The following AFDN variants were observed in gnomAD, a reference collection of about 807,000 sequenced individuals.
The protein encoded by AFDN is afadin.
Under a neutral mutation model 216.6 loss-of-function variants are expected in AFDN, and 68 were observed. The observed-to-expected ratio is 0.31, with a 90% CI of 0.26 to 0.38. The LOEUF (loss-of-function observed/expected upper bound fraction) is 0.38, where lower values mean the gene tolerates loss of function less well. Ranked by LOEUF, AFDN falls within the 10% of genes least tolerant of loss-of-function variation. The probability of loss-of-function intolerance (pLI) is 1.00; values close to 1 mark genes in which losing one functional copy is unlikely to be tolerated. For missense variants in AFDN, 2,136 were observed against 2,342.0 expected (o/e 0.91, Z 1.82); for synonymous variants, 868 against 853.7 (o/e 1.02, Z -0.29).
Position 167,965,969 on chromosome 6 carries a change from C to A in AFDN, c.5181C>A (p.Leu1727=). Residue 1727 remains leucine, a synonymous_variant, in exon 32 of 34, where the codon CTC becomes CTA. Transcript: ENST00000683244. ...RNASYLKTQV[L]SPDSLFTAKF... is the part of the protein sequence containing the mutation. ...CCTCCTACCTCAAAACACAGGTCCT[C>A]TCCCCCGACTCGCTGTTCACTGCCA... 1 of 1,551,020 alleles carries A rather than the reference C, an allele frequency of 6.4e-7. No individual in the cohort carries two copies. The highest frequency in any genetic ancestry group is 8.7e-7 in the Non-Finnish European group (1 of 1,146,890).
chr6:167,887,994 T>A (rs2128325577), intron 6 of AFDN, among the ~76,000 whole-genome samples: 1 of 152,222 alleles, frequency 6.6e-6, no homozygotes, highest in East Asian at 1.9e-4. Context: ...AGCTGAAGGA[T>A]GAGTGGATGT....
At chr6:167,868,275 G>A (rs576416370) in intron 2 of AFDN, among the ~76,000 whole-genome samples, 1 of 152,258 alleles carries the variant, frequency 6.6e-6, no homozygotes, top group African/African-American at 2.4e-5. Flanking sequence ...GCTGAATGTG[G>A]TAGCATGTAC....
Position 167,896,433 on chromosome 6 carries a change from C to T in AFDN, c.1223-445C>T, listed in dbSNP as rs538865511. ...TGAGAACTGCACATTTAAAAACCTC[C>T]GTCAGTGATTTAGCTGTGCCCTCAA... On this transcript the variant is annotated intron_variant, in intron 9 of 33. Coordinates refer to ENST00000683244, the MANE Select transcript of AFDN (RefSeq NM_001386888.1). 3.9e-5 allele frequency among the ~76,000 whole-genome samples: 6 copies of T among 152,098 alleles called. No individual in the cohort carries two copies. The East Asian group carries it at 5.8e-4, about 15-fold the overall frequency.
At chr6:167,866,353 A>G (rs1784186135) in intron 2 of AFDN, among the ~76,000 whole-genome samples, 1 of 152,174 alleles carries the variant, frequency 6.6e-6, no homozygotes, top group Non-Finnish European at 1.5e-5. Flanking sequence ...CCAGTGCCTC[A>G]GGTATGAGGA....
Position 167,947,933 on chromosome 6 carries a change from C to G in AFDN, c.3634C>G (p.Leu1212Val). The G allele has an allele frequency of 6.2e-7, 1 of 1,612,796 alleles. No individual in the cohort carries two copies. Among genetic ancestry groups the G allele is most frequent in the Non-Finnish European group, 8.5e-7 (1 of 1,178,878 alleles). ...AKITSVSTGN[L>V]CTEEQTPPPR... ...GATAACATCTGTCTCTACTGGAAAC[C>G]TCTGCACTGAGGTCTGATTGATTGA... The change falls in exon 28 of 34, where the codon CTC (leucine) becomes GTC (valine). Residue 1212 changes from leucine to valine, a missense_variant. Leu to Val is a conservative substitution (Grantham distance 32). Around this residue, in one of 8 missense-constraint regions of AFDN, gnomAD observed 981 missense variants for 966.0 expected, o/e 1.02. Coordinates refer to ENST00000683244, the MANE Select transcript of AFDN (RefSeq NM_001386888.1).
chr6:167,898,632 G>GA (rs1195267954), intron 11 of AFDN, among the ~76,000 whole-genome samples, 165 bp downstream of exon 11: 1 of 152,102 alleles, frequency 6.6e-6, no homozygotes, highest in African/African-American at 2.4e-5. Context: ...GGTTTTAGAG[G>GA]AAAGAAGAAA....
At chr6:167,924,955 G>A in intron 22 of AFDN, 50 bp from the exon 23 acceptor site, 1 of 1,297,848 alleles carries the variant, frequency 7.7e-7, no homozygotes, top group Non-Finnish European at 1.1e-6. Context: ...TAACCATACA[G>A]AAGCACTTCC....
chr6:167,968,952 A>C, intron 32 of AFDN, 162 bp from the exon 33 acceptor site: 1 of 609,206 alleles, frequency 1.6e-6, no homozygotes, highest in Non-Finnish European at 2.9e-6. Flanking sequence ...AACAGGGATG[A>C]ATTTCAAACT....
chr6:167,951,994 TC>T lies in AFDN; in HGVS notation c.4642del (p.Gln1548ArgfsTer52). The stretch of plus-strand genomic sequence containing the variant: ...ATCGTGGACATGCTGAGCAAGGAGA[TC>T]CAGGAGCTCCAGAGCAAACCGGACC... Reference protein sequence around the residue: ...MHIVDMLSKEIQELQSKPDRS... With the variant: ...MHIVDMLSKEXQELQSKPDRS... On this transcript the variant is annotated frameshift_variant, in exon 30 of 34. Transcript: ENST00000683244. LOFTEE classifies it high-confidence loss of function. This position sits in a 1 kb window ranked among gnomAD's most constrained non-coding sequence, Gnocchi z 7.1. 1.2e-6 allele frequency: 2 copies of T among 1,613,832 alleles called. No homozygotes were observed. The highest frequency in any genetic ancestry group is 1.7e-6 in the Non-Finnish European group (2 of 1,179,966).
At chr6:167,873,059 A>G (rs958235353) in intron 4 of AFDN, among the ~76,000 whole-genome samples, 1 of 152,214 alleles carries the variant, frequency 6.6e-6, no homozygotes, top group African/African-American at 2.4e-5. Flanking sequence ...TTTGGTTATC[A>G]TATGCCTGTT....
chr6:167,967,096 T>C (rs1381607044), intron 32 of AFDN, among the ~76,000 whole-genome samples: 1 of 152,240 alleles, frequency 6.6e-6, no homozygotes, highest in Non-Finnish European at 1.5e-5. Flanking sequence ...GTTTAAAATA[T>C]AGCTGAATTC....
intron 32 of AFDN, 92 bp downstream of exon 32, chr6:167,966,137 G>A (rs936015183): frequency 6.5e-7 from 1 of 1,535,106 alleles, no homozygotes; most frequent in African/African-American, 1.4e-5. Context: ...AGCCACGCCC[G>A]GCCTCCGATG....
chr6:167,945,721 C>CCA (rs1795186153), intron 26 of AFDN, among the ~76,000 whole-genome samples: 1 of 152,286 alleles, frequency 6.6e-6, no homozygotes, highest in South Asian at 2.1e-4. Context: ...TGGTTCATGA[C>CCA]TGTAATTCAC....
At chr6:167,946,359 T>G (rs1357966027) in intron 26 of AFDN, among the ~76,000 whole-genome samples, 1 of 152,138 alleles carries the variant, frequency 6.6e-6, no homozygotes, top group Non-Finnish European at 1.5e-5. Flanking sequence ...GCTGGGCGAT[T>G]AAAAGTTCAG....
intron 19 of AFDN, 102 bp downstream of exon 19, chr6:167,915,535 T>C: frequency 7.4e-7 from 1 of 1,354,026 alleles, no homozygotes; most frequent in Non-Finnish European, 9.9e-7. Context: ...CAATACCCTC[T>C]TTTTGGGGTT....
At chr6:167,906,337 T>G (rs1348201319) in intron 12 of AFDN, among the ~76,000 whole-genome samples, 1 of 152,202 alleles carries the variant, frequency 6.6e-6, no homozygotes, top group East Asian at 1.9e-4. Flanking sequence ...AAAAGTGTTT[T>G]TTTATCAAGA....
intron 8 of AFDN, among the ~76,000 whole-genome samples, chr6:167,891,408 G>GGTGTGTGTGTGT (rs71004178): frequency 9.7e-5 from 7 of 72,092 alleles, no homozygotes; most frequent in African/African-American, 3.3e-4. Flanking sequence ...TAAAGGGGTG[G>GGTGTGTGTGTGT]GTGTGTGTGT....
intron 4 of AFDN, among the ~76,000 whole-genome samples, chr6:167,873,757 G>A (rs1785038082): frequency 6.6e-6 from 1 of 152,140 alleles, no homozygotes. Context: ...TATTAATAAG[G>A]CAACATCTTT....
chr6:167,902,426 A>T, intron 12 of AFDN, 40 bp downstream of exon 12: 1 of 1,422,938 alleles, frequency 7.0e-7, no homozygotes, highest in Non-Finnish European at 9.9e-7. Flanking sequence ...TGTGCTTGCT[A>T]TAGGACACCA....
Sources: allele counts gnomAD v4.1 joint callset (sites outside exome capture counted in the v4.1 genomes callset), GRCh38; gene constraint gnomAD v4.1.1; regional missense constraint gnomAD v4.1.1; non-coding constraint Gnocchi (gnomAD v3.1); transcripts MANE v1.5; gene names NCBI Gene and HGNC (gene_info 2026-07-23, HGNC 2026-07-21).